ZNF114: variants seen among roughly 807,000 people sequenced by gnomAD.
The protein encoded by ZNF114 is zinc finger protein 114 (Y18).
A neutral mutation model predicts 6.8 loss-of-function variants in ZNF114; 8 were observed. The ratio of observed to expected loss-of-function variants is 1.18; its 90% CI spans 0.69 to 2.13. ZNF114 has a LOEUF of 2.13. Ranked by LOEUF, ZNF114 falls within the 30% of genes most tolerant of loss-of-function variation. The pLI, the probability that ZNF114 is intolerant of heterozygous loss-of-function variation, is 0.00. For missense variants in ZNF114, 472 were observed against 519.5 expected, an observed-to-expected ratio of 0.91 and a Z score of 0.89; for synonymous variants, 169 against 185.5, an observed-to-expected ratio of 0.91 and a Z score of 0.72.
At chr19:48,285,474 G>A (rs1334144574) in intron 5 of ZNF114, among the ~76,000 whole-genome samples, 1 of 151,798 alleles carries the variant, frequency 6.6e-6, no homozygotes, top group Non-Finnish European at 1.5e-5. Context: ...CTCCAGCCTG[G>A]GCCACAGAGT....
chr19:48,277,485 G>T (rs903364313), intron 3 of ZNF114, among the ~76,000 whole-genome samples: 24 of 152,174 alleles, frequency 1.6e-4, no homozygotes, highest in African/African-American at 5.8e-4. Context: ...CAAGGCTTGT[G>T]TTTTTTTCCC....
intron 3 of ZNF114, among the ~76,000 whole-genome samples, chr19:48,272,921 A>C (rs1449834965): frequency 6.7e-6 from 1 of 149,290 alleles, no homozygotes; most frequent in Non-Finnish European, 1.5e-5. Context: ...TCAGCCTCTC[A>C]AGTAGCTGGG....
In ZNF114 at chr19:48,286,624, T is replaced by G; in HGVS notation, c.1000T>G (p.Cys334Gly). Reference protein sequence around the residue: ...KIHTGEKPYECGKCGKAFRYS... With the variant: ...KIHTGEKPYEGGKCGKAFRYS... ...TCACACTGGAGAGAAACCGTATGAA[T>G]GTGGGAAATGTGGGAAAGCCTTTAG... is the stretch of plus-strand genomic sequence containing the variant. Residue 334 changes from cysteine to glycine, a missense_variant, in exon 6 of 6, where the codon TGT becomes GGT. Cys to Gly is a radical substitution (Grantham distance 159, BLOSUM62 -3). Transcript: ENST00000595607. The G allele has an allele frequency of 6.2e-7, 1 of 1,613,892 alleles. No homozygotes were observed. Among genetic ancestry groups the G allele is most frequent in the Non-Finnish European group, 8.5e-7 (1 of 1,179,994 alleles).
Position 48,282,440 on chromosome 19 carries a change from C to G in ZNF114, c.79C>G (p.Gln27Glu). ...KEEWTLLDPA[Q>E]RNLYRDVMLE... ...GGAGTGGACCCTGCTGGACCCAGCTCAGAGGAATCTCTACAGAGACGTGAT... is the reference window on the plus strand; with the variant it reads ...GGAGTGGACCCTGCTGGACCCAGCTGAGAGGAATCTCTACAGAGACGTGAT... The change falls in exon 5 of 6, where the codon CAG becomes GAG. Residue 27 changes from glutamine to glutamate, a missense_variant. Gln to Glu is a conservative substitution (Grantham distance 29). Coordinates refer to ENST00000595607, the MANE Select transcript of ZNF114 (RefSeq NM_153608.4). 6.2e-7 allele frequency: 1 copy of G among 1,613,372 alleles called. No individual in the cohort carries two copies. Among genetic ancestry groups the G allele is most frequent in the East Asian group, 2.2e-5 (1 of 44,804 alleles).
chr19:48,277,169 A>AT (rs951459547), intron 3 of ZNF114, among the ~76,000 whole-genome samples: 2 of 150,050 alleles, frequency 1.3e-5, no homozygotes, highest in Non-Finnish European at 3.0e-5. Flanking sequence ...TCAAAAAAAA[A>AT]TTTTTTTTAA....
chr19:48,276,033 A>T (rs10415586), intron 3 of ZNF114, among the ~76,000 whole-genome samples: 1 of 137,046 alleles, frequency 7.3e-6, no homozygotes, highest in Non-Finnish European at 1.5e-5. Context: ...TCAAGCTAAC[A>T]TTGGTGGGGT....
At chr19:48,280,929 A>C (rs1282588355) in intron 4 of ZNF114, among the ~76,000 whole-genome samples, 3 of 152,142 alleles carry the variant, frequency 2.0e-5, no homozygotes, top group Non-Finnish European at 2.9e-5. Context: ...AGAAAGACAC[A>C]CAGTTGGTCA....
intron 3 of ZNF114, among the ~76,000 whole-genome samples, chr19:48,277,599 C>T (rs1005565237): frequency 1.3e-5 from 2 of 152,074 alleles, no homozygotes; most frequent in Non-Finnish European, 2.9e-5. Context: ...CAAATCCGGC[C>T]GCTGGGAGAC....
Position 48,286,323 on chromosome 19 carries a change from C to T in ZNF114, c.699C>T (p.Asp233=), listed in dbSNP as rs138490004. 1.0e-3 allele frequency: 1,616 copies of T among 1,614,188 alleles called. 25 individuals are homozygous for T. The highest frequency in any genetic ancestry group is 3.3e-4 in the Middle Eastern group (2 of 6,062). Residue 233 remains aspartate, a synonymous_variant, in exon 6 of 6, where the codon GAC becomes GAT. Coordinates refer to ENST00000595607, the MANE Select transcript of ZNF114 (RefSeq NM_153608.4). ...CATTTGGAAAAGCTTTCCGTGAAGA[C>T]GGATCCCTTAGGGCACACAACACTC... The part of the protein sequence containing the change: ...RNPFGKAFRE[D]GSLRAHNTHG...
chr19:48,277,794 G>GGTGGGTGTGTGTGTGTGTGT (rs1555876488), intron 3 of ZNF114, among the ~76,000 whole-genome samples: 5 of 119,338 alleles, frequency 4.2e-5, no homozygotes, highest in African/African-American at 9.8e-5. Flanking sequence ...GGAGGCATTG[G>GGTGGGTGTGTGTGTGTGTGT]GTGTGTGTGT....
intron 3 of ZNF114, among the ~76,000 whole-genome samples, chr19:48,277,515 G>A (rs1967866147): frequency 6.6e-6 from 1 of 152,064 alleles, no homozygotes; most frequent in South Asian, 2.1e-4. Flanking sequence ...TTCTCTGTCT[G>A]GGTATCATTA....
Position 48,287,174 on chromosome 19 carries a change from GC to G in ZNF114, c.*297del, listed in dbSNP as rs2147299673. 1 of 207,652 alleles carries G rather than the reference GC, an allele frequency of 4.8e-6. No homozygotes were observed. The highest frequency in any genetic ancestry group is 2.3e-5 in the African/African-American group (1 of 43,234). 12.9% of individuals were successfully genotyped at this position (207,652 alleles called of 1,614,324 possible). On this transcript the variant is annotated 3_prime_UTR_variant, in exon 6 of 6. Coordinates refer to ENST00000595607, the MANE Select transcript of ZNF114 (RefSeq NM_153608.4). The stretch of plus-strand genomic sequence containing the variant: ...CATGGTTCATACAAGAACTCACACT[GC>G]AGAGACTCCTTACGGAAATAAAAAA...
intron 3 of ZNF114, among the ~76,000 whole-genome samples, chr19:48,275,250 AG>A (rs1271565964): frequency 1.2e-5 from 1 of 85,564 alleles, no homozygotes; most frequent in Admixed American, 1.7e-4. Context: ...GGAGGGAGGG[AG>A]GGAAAAAGAG....
In ZNF114 at chr19:48,286,625, G is replaced by A. The variant is rs1331552682; in HGVS notation, c.1001G>A (p.Cys334Tyr). Residue 334 changes from cysteine (C) to tyrosine (Y), a missense_variant, in exon 6 of 6, where the codon TGT becomes TAT. Physicochemically the swap from Cys to Tyr is radical, Grantham distance 194 (BLOSUM62 -2). Coordinates refer to ENST00000595607, the MANE Select transcript of ZNF114 (RefSeq NM_153608.4). ...KIHTGEKPYECGKCGKAFRYS... is the reference protein window; with the variant it reads ...KIHTGEKPYEYGKCGKAFRYS... ...CACACTGGAGAGAAACCGTATGAAT[G>A]TGGGAAATGTGGGAAAGCCTTTAGA... 6.2e-7 allele frequency: 1 copy of A among 1,613,848 alleles called. No homozygotes were observed. Among genetic ancestry groups the A allele is most frequent in the Non-Finnish European group, 8.5e-7 (1 of 1,179,988 alleles).
At chr19:48,285,619 G>C in intron 5 of ZNF114, 142 bp from the exon 6 acceptor site, 4 of 916,600 alleles carry the variant, frequency 4.4e-6, no homozygotes. Context: ...AAGGAAGAAA[G>C]AAAGGATGGA....
At chr19:48,278,224 A>G (rs2147287992) in intron 3 of ZNF114, among the ~76,000 whole-genome samples, 1 of 152,276 alleles carries the variant, frequency 6.6e-6, no homozygotes, top group South Asian at 2.1e-4. Flanking sequence ...GCTTGAGCCA[A>G]CGCGCCCGGC....
intron 1 of ZNF114, among the ~76,000 whole-genome samples, chr19:48,270,840 A>G (rs1967637243): frequency 6.6e-6 from 1 of 152,130 alleles, no homozygotes. Context: ...GCACTTTGGG[A>G]GGCCGAGGCG....
chr19:48,282,472 A>C lies in ZNF114; in HGVS notation c.111A>C (p.Glu37Asp). 1 of 1,609,474 alleles carries C rather than the reference A, an allele frequency of 6.2e-7. No homozygotes were observed. Among genetic ancestry groups the C allele is most frequent in the Non-Finnish European group, 8.5e-7 (1 of 1,177,004 alleles). ...ATCTCTACAGAGACGTGATGCTGGA[A>C]AATTCTAGGAACTTGGCATTCATAG... ...QRNLYRDVML[E>D]NSRNLAFIDW... is the part of the protein sequence containing the mutation. The change falls in exon 5 of 6, where the codon GAA (glutamate) becomes GAC (aspartate). Residue 37 changes from glutamate (E) to aspartate (D), a missense_variant. Transcript: ENST00000595607.
chr19:48,271,996 G>A (rs1331552668), intron 3 of ZNF114, among the ~76,000 whole-genome samples, 168 bp downstream of exon 3: 1 of 152,230 alleles, frequency 6.6e-6, no homozygotes, highest in African/African-American at 2.4e-5. Flanking sequence ...CCTTGGCCCA[G>A]GGAGAAGGGC....
Sources: gnomAD v4.1 joint callset for allele counts (sites outside exome capture counted in the v4.1 genomes callset) on GRCh38, gnomAD v4.1.1 for gene constraint, MANE v1.5 for transcripts, NCBI Gene and HGNC (gene_info 2026-07-23, HGNC 2026-07-21) for gene names.